The following PDE4D variants were observed in gnomAD, a reference collection of about 807,000 sequenced individuals.
The protein encoded by PDE4D is 3',5'-cyclic-AMP phosphodiesterase 4D.
A neutral mutation model predicts 87.4 loss-of-function variants in PDE4D; 24 were observed. That is an observed-to-expected ratio of 0.27 (90% confidence interval 0.20 to 0.39). The LOEUF is 0.39. Ranked by LOEUF, PDE4D falls within the 10% of genes least tolerant of loss-of-function variation. The probability of loss-of-function intolerance (pLI) is 1.00; values close to 1 mark genes in which losing one functional copy is unlikely to be tolerated. For synonymous variants in PDE4D, 384 were observed against 383.2 expected (o/e 1.00, Z -0.02); for missense variants, 714 against 1,041.0 (o/e 0.69, Z 4.32).
chr5:60,284,412 ACTGT>A (rs1752222824), intron 1 of PDE4D, among the ~76,000 whole-genome samples: 1 of 152,180 alleles, frequency 6.6e-6, no homozygotes, highest in Non-Finnish European at 1.5e-5. Context: ...TTTTAGGAAC[ACTGT>A]CTTTGGTCAC....
intron 5 of PDE4D, among the ~76,000 whole-genome samples, chr5:59,056,227 C>A (rs1267823752): frequency 1.3e-5 from 2 of 152,082 alleles, no homozygotes; most frequent in Non-Finnish European, 2.9e-5. Flanking sequence ...AGGCTGCAGG[C>A]ACACCATGCA....
At chr5:59,783,048 G>T (rs148231790) in intron 1 of PDE4D, among the ~76,000 whole-genome samples, 299 of 152,144 alleles carry the variant, frequency 2.0e-3, no homozygotes, top group Non-Finnish European at 3.5e-3. Flanking sequence ...TCCATCCAAA[G>T]GACTATAACT....
At chr5:59,408,432 C>T (rs1792080075) in intron 1 of PDE4D, among the ~76,000 whole-genome samples, 1 of 152,192 alleles carries the variant, frequency 6.6e-6, no homozygotes, top group Non-Finnish European at 1.5e-5. Context: ...AAGCATGCTA[C>T]AGGGACAGAG....
intron 1 of PDE4D, among the ~76,000 whole-genome samples, chr5:59,306,129 A>G (rs1771303798): frequency 6.6e-6 from 1 of 152,166 alleles, no homozygotes; most frequent in Non-Finnish European, 1.5e-5. Flanking sequence ...AAGGCCTTTT[A>G]CCATTATATA....
chr5:59,257,404 T>C (rs141993150), intron 1 of PDE4D, among the ~76,000 whole-genome samples: 1 of 152,098 alleles, frequency 6.6e-6, no homozygotes, highest in African/African-American at 2.4e-5. Flanking sequence ...GTCATGCTCA[T>C]CCCTACTGCA....
chr5:59,275,350 G>A, intron 1 of PDE4D: 8 of 1,596,446 alleles, frequency 5.0e-6, no homozygotes, highest in Non-Finnish European at 6.8e-6. Flanking sequence ...AACTGCCTCT[G>A]CAGTCCTTAG....
intron 2 of PDE4D, among the ~76,000 whole-genome samples, chr5:60,092,927 A>G (rs1279363424): frequency 6.6e-6 from 1 of 152,186 alleles, no homozygotes; most frequent in Non-Finnish European, 1.5e-5. Context: ...GAGCCTAGAC[A>G]TGACTCACCA....
chr5:59,760,665 A>G (rs911170348), intron 1 of PDE4D, among the ~76,000 whole-genome samples: 6 of 152,278 alleles, frequency 3.9e-5, no homozygotes, highest in African/African-American at 1.4e-4. Flanking sequence ...GGAATTAAAA[A>G]TGTTTTTGAG....
chr5:59,426,241 C>T (rs570215821), intron 1 of PDE4D, among the ~76,000 whole-genome samples: 4 of 152,270 alleles, frequency 2.6e-5, no homozygotes, highest in African/African-American at 9.6e-5. Flanking sequence ...GTTTAAGCCA[C>T]CAAATCTGTA....
chr5:59,786,532 G>A (rs1765192687), intron 1 of PDE4D, among the ~76,000 whole-genome samples: 1 of 152,202 alleles, frequency 6.6e-6, no homozygotes, highest in Non-Finnish European at 1.5e-5. Context: ...TGATGATGAA[G>A]CACTTGGAAT....
At chr5:59,723,515 G>A (rs974261854) in intron 1 of PDE4D, among the ~76,000 whole-genome samples, 1 of 152,026 alleles carries the variant, frequency 6.6e-6, no homozygotes, top group Non-Finnish European at 1.5e-5. Flanking sequence ...CAGATGAGGC[G>A]ATCCTACAAT....
chr5:59,768,331 G>C (rs766066406), intron 1 of PDE4D: 32 of 1,598,168 alleles, frequency 2.0e-5, no homozygotes, highest in Non-Finnish European at 2.6e-5. Context: ...GGAATTTCTC[G>C]GAGAGATCAC....
intron 1 of PDE4D, among the ~76,000 whole-genome samples, chr5:59,493,579 T>C (rs988206729): frequency 6.6e-6 from 1 of 152,200 alleles, no homozygotes; most frequent in African/African-American, 2.4e-5. Context: ...CAGAATCTCA[T>C]CCAGTTATAT....
chr5:59,623,721 A>G (rs1432620497), intron 1 of PDE4D, among the ~76,000 whole-genome samples: 1 of 152,184 alleles, frequency 6.6e-6, no homozygotes, highest in African/African-American at 2.4e-5. Flanking sequence ...AGAAAAAAAG[A>G]TTAGTCATCT....
chr5:58,978,132 T>G (rs1334314623), intron 11 of PDE4D, among the ~76,000 whole-genome samples: 2 of 152,222 alleles, frequency 1.3e-5, no homozygotes, highest in Non-Finnish European at 2.9e-5. Flanking sequence ...AAACTTTTGA[T>G]GCTTTATTCT....
intron 1 of PDE4D, among the ~76,000 whole-genome samples, chr5:59,830,909 T>G (rs1334141981): frequency 1.3e-5 from 2 of 152,074 alleles, no homozygotes; most frequent in Non-Finnish European, 2.9e-5. Context: ...CCTATCATTT[T>G]AATGGTTAAG....
chr5:59,441,314 C>T (rs1015683362), intron 1 of PDE4D, among the ~76,000 whole-genome samples: 3 of 152,294 alleles, frequency 2.0e-5, no homozygotes, highest in African/African-American at 4.8e-5. Flanking sequence ...CCAGGCTGGT[C>T]CTGAACTCCT....
chr5:59,516,254 G>A (rs764057533), intron 1 of PDE4D, among the ~76,000 whole-genome samples: 2 of 152,112 alleles, frequency 1.3e-5, no homozygotes, highest in Non-Finnish European at 2.9e-5. Context: ...CTTTAGAATC[G>A]ATGTTTGGTC....
chr5:59,619,194 G>C (rs1830064123), intron 1 of PDE4D, among the ~76,000 whole-genome samples: 2 of 152,022 alleles, frequency 1.3e-5, no homozygotes, highest in Admixed American at 1.3e-4. Flanking sequence ...AAAATCTGAT[G>C]TCACTCATTC....
Sources: gnomAD v4.1 joint callset for allele counts (sites outside exome capture counted in the v4.1 genomes callset) on GRCh38, gnomAD v4.1.1 for gene constraint, MANE v1.5 for transcripts, NCBI Gene and HGNC (gene_info 2026-07-23, HGNC 2026-07-21) for gene names.